LRGUK: variants seen among roughly 807,000 people sequenced by gnomAD.
LRGUK encodes leucine rich repeats and guanylate kinase domain containing, also known as leucine-rich repeat and guanylate kinase domain-containing protein.
A neutral mutation model predicts 76.0 loss-of-function variants in LRGUK; 65 were observed. The ratio of observed to expected loss-of-function variants is 0.85; its 90% confidence interval spans 0.70 to 1.05. The LOEUF (loss-of-function observed/expected upper bound fraction) is 1.05. LRGUK is among the 50% of genes least tolerant of loss of function. The pLI is 0.00. For synonymous variants in LRGUK, 268 were observed against 265.6 expected (o/e 1.01, Z -0.09); for missense variants, 758 against 732.8 (o/e 1.03, Z -0.40).
intron 7 of LRGUK, among the ~76,000 whole-genome samples, chr7:134,170,828 T>C (rs765228112): frequency 8.5e-5 from 13 of 152,234 alleles, no homozygotes; most frequent in Non-Finnish European, 1.6e-4. Context: ...AATAGTTTCA[T>C]TGAATAATAC....
chr7:134,238,231 T>G (rs1802058968), intron 16 of LRGUK, among the ~76,000 whole-genome samples: 1 of 152,188 alleles, frequency 6.6e-6, no homozygotes, highest in South Asian at 2.1e-4. Flanking sequence ...AGAGGGATTA[T>G]GGGAACAATA....
rs1343810434 is a variant in LRGUK, at chr7:134,173,174, G to T, written c.940-1382G>T. On this transcript the variant is annotated intron_variant, in intron 7 of 15. Coordinates refer to ENST00000645682, the Ensembl canonical transcript of LRGUK. ...ACAGTTTAGTCATCTTACGGAAAAA[G>T]ATGTGTATAATAGTATAACGTTGCT... Among the ~76,000 whole-genome samples, 8 of 152,312 alleles carry T rather than the reference G, an allele frequency of 5.3e-5. No homozygotes were observed. The East Asian group carries it at 1.2e-3, about 22-fold the overall frequency.
At chr7:134,194,747 G>T (rs1186419503) in intron 12 of LRGUK, among the ~76,000 whole-genome samples, 1 of 152,110 alleles carries the variant, frequency 6.6e-6, no homozygotes, top group East Asian at 1.9e-4. Flanking sequence ...TCTCTTAAAA[G>T]AAAGAGATTT....
In LRGUK at chr7:134,139,521, T is replaced by A; in HGVS notation, c.487+4T>A. ...CTTTCAGCGAATAAAATTGAAGGTATGTAATTGTCATTCTAGATTGATCAC... is the reference window on the plus strand; with the variant it reads ...CTTTCAGCGAATAAAATTGAAGGTAAGTAATTGTCATTCTAGATTGATCAC... On this transcript the variant is annotated splice_donor_region_variant and intron_variant, in intron 3 of 15. Transcript: ENST00000645682. 6.3e-7 allele frequency: 1 copy of A among 1,577,010 alleles called. No homozygotes were observed.
chr7:134,203,257 A>T (rs76349412), intron 15 of LRGUK, among the ~76,000 whole-genome samples: 4,741 of 152,192 alleles, frequency 0.031, 219 homozygotes, highest in African/African-American at 0.097. Flanking sequence ...TTGCCACCAT[A>T]GTAAGTTTTA....
intron 5 of LRGUK, among the ~76,000 whole-genome samples, chr7:134,154,841 C>A (rs1585450972): frequency 1.3e-5 from 2 of 152,174 alleles, no homozygotes; most frequent in South Asian, 4.1e-4. Flanking sequence ...ATGGATGTGC[C>A]AAGGGAACTG....
chr7:134,183,899 T>A (rs751440957), intron 11 of LRGUK, 46 bp downstream of exon 11: 27 of 1,605,800 alleles, frequency 1.7e-5, no homozygotes, highest in Middle Eastern at 3.3e-4. Flanking sequence ...TTCATCCGAA[T>A]TATTGGAGGT....
chr7:134,228,266 A>G (rs536597405), intron 16 of LRGUK, among the ~76,000 whole-genome samples: 195 of 152,318 alleles, frequency 1.3e-3, no homozygotes, highest in African/African-American at 4.5e-3. Flanking sequence ...TCATCCAAAA[A>G]TGAAGGTGAA....
chr7:134,210,314 C>T (rs1801198468), downstream of LRGUK: 2 of 398,540 alleles, frequency 5.0e-6, no homozygotes, highest in Admixed American at 8.8e-5. Flanking sequence ...GAAGCAAAGT[C>T]CATACACCAG....
chr7:134,272,366 T>G, the LRGUK span, among the ~76,000 whole-genome samples: 1 of 152,146 alleles, frequency 6.6e-6, no homozygotes, highest in Admixed American at 6.6e-5. Flanking sequence ...AATTTCTCAC[T>G]GTGATAGGGT....
chr7:134,163,871 T>C (rs1798862393), intron 7 of LRGUK, among the ~76,000 whole-genome samples: 1 of 152,008 alleles, frequency 6.6e-6, no homozygotes, highest in Non-Finnish European at 1.5e-5. Context: ...AATATCAGAG[T>C]AAGGAGGTTG....
chr7:134,258,919 G>A (rs971308701), intron 19 of LRGUK, among the ~76,000 whole-genome samples: 4 of 152,030 alleles, frequency 2.6e-5, no homozygotes, highest in African/African-American at 7.3e-5. Context: ...ATCCACCCAC[G>A]GTCACTTAGC....
At chr7:134,261,125 C>T (rs1756604668) in intron 19 of LRGUK, among the ~76,000 whole-genome samples, 1 of 151,986 alleles carries the variant, frequency 6.6e-6, no homozygotes, top group South Asian at 2.1e-4. Flanking sequence ...TTAATGTTTC[C>T]ACGGGACAAT....
rs537780761 is a variant in LRGUK, at chr7:134,152,952, G to A, written c.670+4633G>A. On this transcript the variant is annotated intron_variant, in intron 5 of 15. Coordinates refer to ENST00000645682, the Ensembl canonical transcript of LRGUK. ...ATAATTTAGGCATAAAACTAAGGGA[G>A]GAAGGGAAGAAGAAAGAGACAACTG... Among the ~76,000 whole-genome samples, 10 of 91,662 alleles carry A rather than the reference G, an allele frequency of 1.1e-4. No homozygotes were observed. The East Asian group carries it at 2.5e-3, about 23-fold the overall frequency. 60.1% of individuals were successfully genotyped at this position (91,662 alleles called of 152,430 possible). A position where few individuals can be genotyped will look rare whatever the true frequency, so the allele number is the denominator to read the frequency against.
At chr7:134,258,495 C>T (rs893815357) in intron 19 of LRGUK, 90 bp downstream of exon 19, 3 of 1,267,728 alleles carry the variant, frequency 2.4e-6, no homozygotes, top group East Asian at 2.5e-5. Context: ...GTCAGGAGTT[C>T]GAGACCAGCC....
intron 1 of LRGUK, among the ~76,000 whole-genome samples, chr7:134,128,500 C>G (rs1372046614): frequency 1.3e-5 from 2 of 152,202 alleles, no homozygotes; most frequent in African/African-American, 4.8e-5. Flanking sequence ...TTTCTCTTGG[C>G]TTCTAATAAA....
chr7:134,131,988 TG>T (rs1200679105), intron 1 of LRGUK, among the ~76,000 whole-genome samples: 1 of 151,912 alleles, frequency 6.6e-6, no homozygotes, highest in Non-Finnish European at 1.5e-5. Flanking sequence ...GGAAGAAAAC[TG>T]GGAAGGACTG....
chr7:134,243,298 G>T (rs1802210583), intron 16 of LRGUK, among the ~76,000 whole-genome samples: 8 of 152,182 alleles, frequency 5.3e-5, no homozygotes, highest in Admixed American at 5.2e-4. Flanking sequence ...TTTATATTTA[G>T]AAAACCCCAT....
At chr7:134,200,069 C>T (rs1800703657) in intron 14 of LRGUK, among the ~76,000 whole-genome samples, 1 of 139,182 alleles carries the variant, frequency 7.2e-6, no homozygotes, top group Non-Finnish European at 1.5e-5. Context: ...CTCGCTCTGT[C>T]ACCCAGGCTG....
Sources: allele counts gnomAD v4.1 joint callset (sites outside exome capture counted in the v4.1 genomes callset), GRCh38; gene constraint gnomAD v4.1.1; transcripts MANE v1.5; gene names NCBI Gene and HGNC (gene_info 2026-07-23, HGNC 2026-07-21).